SATB2: variants seen among roughly 807,000 people sequenced by gnomAD.
SATB2 encodes the protein SATB homeobox 2, also known as DNA-binding protein SATB2.
Under a neutral mutation model 73.4 loss-of-function variants are expected in SATB2, and 1 was observed. That is an observed-to-expected ratio of 0.01 (90% CI 0.00 to 0.06). The LOEUF (loss-of-function observed/expected upper bound fraction) is 0.06. SATB2 is among the 10% of genes least tolerant of loss of function. The pLI is 1.00. For synonymous variants in SATB2, 397 were observed against 367.0 expected, an observed-to-expected ratio of 1.08 and a Z score of -0.93; for missense variants, 459 against 945.8, an observed-to-expected ratio of 0.49 and a Z score of 6.75.
intron 10 of SATB2, among the ~76,000 whole-genome samples, chr2:199,301,062 C>T (rs1687275591): frequency 6.6e-6 from 1 of 152,024 alleles, no homozygotes; most frequent in South Asian, 2.1e-4. Flanking sequence ...TAAAAAAATA[C>T]ATTAGCAGAA....
At chr2:199,420,565 C>A (rs990085072) in intron 3 of SATB2, among the ~76,000 whole-genome samples, 4 of 152,272 alleles carry the variant, frequency 2.6e-5, no homozygotes, top group African/African-American at 9.6e-5. Flanking sequence ...ATGTTTTAAT[C>A]CCCTGATTTA....
chr2:199,353,043 C>T (rs1688864724), intron 6 of SATB2, among the ~76,000 whole-genome samples: 1 of 151,548 alleles, frequency 6.6e-6, no homozygotes, highest in African/African-American at 2.4e-5. Flanking sequence ...AAAAAATTAT[C>T]ATCCCGACTT....
chr2:199,401,818 T>C (rs1690489216), intron 3 of SATB2, among the ~76,000 whole-genome samples: 1 of 152,098 alleles, frequency 6.6e-6, no homozygotes, highest in African/African-American at 2.4e-5. Flanking sequence ...TAGGAAGAGC[T>C]TTGCAGATCA....
At chr2:199,366,442 T>C (rs895438772) in intron 6 of SATB2, among the ~76,000 whole-genome samples, 5 of 152,092 alleles carry the variant, frequency 3.3e-5, no homozygotes, top group African/African-American at 4.8e-5. Flanking sequence ...ACTTCCCTTT[T>C]TCTGAGGGTC....
At chr2:199,429,156 A>AT (rs544339374) in intron 3 of SATB2, among the ~76,000 whole-genome samples, 386 of 152,314 alleles carry the variant, frequency 2.5e-3, no homozygotes, top group African/African-American at 8.8e-3. Context: ...TCATGTATAA[A>AT]TTTTCACATT....
intron 2 of SATB2, among the ~76,000 whole-genome samples, chr2:199,445,998 A>C (rs1432039671): frequency 6.6e-6 from 1 of 152,202 alleles, no homozygotes; most frequent in Non-Finnish European, 1.5e-5. Flanking sequence ...ACATAGTATT[A>C]ATACATCAAA....
At chr2:199,299,461 G>A (rs1039503436) in intron 10 of SATB2, among the ~76,000 whole-genome samples, 1 of 152,124 alleles carries the variant, frequency 6.6e-6, no homozygotes, top group Non-Finnish European at 1.5e-5. Context: ...AAAAACAGAA[G>A]CAGAAAGATG....
chr2:199,416,439 A>C (rs996068035), intron 3 of SATB2, among the ~76,000 whole-genome samples: 1 of 152,180 alleles, frequency 6.6e-6, no homozygotes, highest in Non-Finnish European at 1.5e-5. Flanking sequence ...ACACACACCA[A>C]AAACACAGGA....
intron 6 of SATB2, among the ~76,000 whole-genome samples, chr2:199,359,324 C>T (rs1464028109): frequency 5.9e-5 from 9 of 152,120 alleles, no homozygotes; most frequent in African/African-American, 1.9e-4. Context: ...TTATCTTAGG[C>T]TACACAAATG....
At chr2:199,325,909 C>T (rs1688016111) in intron 8 of SATB2, 1 of 152,132 alleles carries the variant, frequency 6.6e-6, no homozygotes, top group African/African-American at 2.4e-5. Flanking sequence ...TTATTAAGTA[C>T]ACCATGGAAT....
At chr2:199,361,160 T>C (rs1689125701) in intron 6 of SATB2, among the ~76,000 whole-genome samples, 2 of 152,178 alleles carry the variant, frequency 1.3e-5, no homozygotes, top group Admixed American at 1.3e-4. Flanking sequence ...TGGTTTCACA[T>C]GTCAAACAGC....
chr2:199,333,835 C>T (rs1347052532), intron 7 of SATB2, among the ~76,000 whole-genome samples: 2 of 152,098 alleles, frequency 1.3e-5, no homozygotes, highest in Non-Finnish European at 2.9e-5. Flanking sequence ...TTAATTGTAA[C>T]TTAATGAGGC....
intron 10 of SATB2, among the ~76,000 whole-genome samples, chr2:199,304,905 C>T (rs991336777): frequency 3.9e-5 from 6 of 152,102 alleles, no homozygotes; most frequent in African/African-American, 1.4e-4. Flanking sequence ...TGACAATGTC[C>T]CTCAATGGTT....
chr2:199,279,254 T>C (rs1361192364), intron 10 of SATB2, among the ~76,000 whole-genome samples: 2 of 152,226 alleles, frequency 1.3e-5, no homozygotes, highest in Non-Finnish European at 2.9e-5. Flanking sequence ...GTTGTTTCTC[T>C]GCTTTCAAAA....
chr2:199,428,431 T>G (rs1282384999), intron 3 of SATB2, among the ~76,000 whole-genome samples: 1 of 152,208 alleles, frequency 6.6e-6, no homozygotes, highest in Non-Finnish European at 1.5e-5. Flanking sequence ...TTAGGGCTTA[T>G]GTCCAAAAGT....
At chr2:199,284,693 T>C (rs1366495661) in intron 10 of SATB2, among the ~76,000 whole-genome samples, 1 of 152,096 alleles carries the variant, frequency 6.6e-6, no homozygotes, top group Non-Finnish European at 1.5e-5. Context: ...GTGAAATAAA[T>C]ATATCATTTA....
At chr2:199,347,963 G>C (rs1379101694) in intron 7 of SATB2, 1 of 152,174 alleles carries the variant, frequency 6.6e-6, no homozygotes, top group East Asian at 1.9e-4. Context: ...GAAACTATGG[G>C]ATGAGGCCCA....
chr2:199,453,546 A>T (rs377024848), intron 2 of SATB2, among the ~76,000 whole-genome samples: 1 of 152,008 alleles, frequency 6.6e-6, no homozygotes, highest in African/African-American at 2.4e-5. Context: ...CTTTAATTAT[A>T]AAAAAACTAA....
chr2:199,373,883 T>C (rs913958586), intron 5 of SATB2, among the ~76,000 whole-genome samples: 1 of 152,126 alleles, frequency 6.6e-6, no homozygotes, highest in Non-Finnish European at 1.5e-5. Context: ...GCATCCCCAC[T>C]ACATACATGA....
Sources: gnomAD v4.1 joint callset for allele counts (sites outside exome capture counted in the v4.1 genomes callset) on GRCh38, gnomAD v4.1.1 for gene constraint, MANE v1.5 for transcripts, NCBI Gene and HGNC (gene_info 2026-07-23, HGNC 2026-07-21) for gene names.